The following PWWP2B variants were observed in gnomAD, a reference collection of about 807,000 sequenced individuals.
The protein encoded by PWWP2B is PWWP domain containing 2B, also known as PWWP domain-containing protein 2B.
In PWWP2B, 9 loss-of-function variants were observed where a neutral mutation model predicts 15.5. That is an observed-to-expected ratio of 0.58 (90% CI 0.35 to 1.02). The LOEUF is 1.02. Among genes scored for constraint, PWWP2B ranks in the 50% least tolerant of loss-of-function variants. PWWP2B has a pLI of 0.02. For synonymous variants in PWWP2B, 474 were observed against 403.6 expected (o/e 1.17, Z -2.09); for missense variants, 864 against 865.3 (o/e 1.00, Z 0.02).
chr10:132,402,738 G>C (rs1283912421), intron 1 of PWWP2B, among the ~76,000 whole-genome samples: 2 of 152,252 alleles, frequency 1.3e-5, no homozygotes, highest in Non-Finnish European at 2.9e-5. Context: ...CTGGTTTTGG[G>C]CAAAGGCTCA....
intron 2 of PWWP2B, among the ~76,000 whole-genome samples, chr10:132,408,060 G>A (rs2069724450): frequency 4.6e-5 from 7 of 152,242 alleles, no homozygotes; most frequent in Admixed American, 4.6e-4. Context: ...TTATCCGGAA[G>A]TGGAGGAAGA....
chr10:132,408,590 T>G (rs2133159794), intron 2 of PWWP2B, among the ~76,000 whole-genome samples: 1 of 152,310 alleles, frequency 6.6e-6, no homozygotes, highest in East Asian at 1.9e-4. Context: ...CCGGCCACCC[T>G]GGCCTGGCCC....
chr10:132,408,523 G>T (rs1010212185), intron 2 of PWWP2B, among the ~76,000 whole-genome samples: 3 of 152,212 alleles, frequency 2.0e-5, no homozygotes, highest in Non-Finnish European at 4.4e-5. Flanking sequence ...TGGTGTGGGG[G>T]CTGGAGCTCG....
chr10:132,404,996 C>A lies in PWWP2B; in HGVS notation c.496C>A (p.Leu166Ile). ...CAACCGCGACCCGGGGCGCCTCATC[C>A]TCAGCACCATCCGCCTGCGGCCGCG... ...SRNRDPGRLI[L>I]STIRLRPRQV... The change falls in exon 2 of 3, where the codon CTC (leucine) becomes ATC (isoleucine). Residue 166 changes from leucine to isoleucine, a missense_variant. By Grantham distance (5) the Leu-to-Ile change is conservative (BLOSUM62 2). This residue lies in a region of PWWP2B where 736 missense variants were observed against 687.7 expected (regional missense o/e 1.07). Transcript: ENST00000305233. 6.4e-7 allele frequency: 1 copy of A among 1,561,918 alleles called. No individual in the cohort carries two copies.
Position 132,405,274 on chromosome 10 carries a change from C to T in PWWP2B, c.774C>T (p.Ser258=), listed in dbSNP as rs755836791. Residue 258 remains serine (S), a synonymous_variant, in exon 2 of 3, where the codon AGC becomes AGT. Transcript: ENST00000305233. ...GCCCGGTCATCAAGATCTCCTACAG[C>T]ACGCCCCAGGGCAAGGGAGAGGTGG... The part of the protein sequence containing the change: ...PRSPVIKISY[S]TPQGKGEVVK... 1.2e-6 allele frequency: 2 copies of T among 1,611,724 alleles called. No homozygotes were observed. The highest frequency in any genetic ancestry group is 2.2e-5 in the East Asian group (1 of 44,848).
At position 132,417,411 on chromosome 10, in the gene PWWP2B, C is replaced by T. The variant is rs2069876057; in HGVS notation, c.*367C>T. On this transcript the variant is annotated 3_prime_UTR_variant, in exon 3 of 3. Coordinates refer to ENST00000305233, the MANE Select transcript of PWWP2B (RefSeq NM_138499.4). ...TCACCTGCTGCCCGCATGCTGGGGT[C>T]CCATGGAGGAACCAGGCCTGGCGCC... The T allele has an allele frequency of 5.0e-6, 2 of 397,140 alleles. No homozygotes were observed. The highest frequency in any genetic ancestry group is 2.1e-5 in the African/African-American group (1 of 47,860). The allele number at this position is 397,140 out of a possible 1,614,324, so 24.6% of individuals were successfully genotyped here.
In PWWP2B at chr10:132,397,321, TCG is replaced by T; in HGVS notation, c.98_99del (p.Ala33GlyfsTer26). 7.0e-7 allele frequency: 1 copy of T among 1,431,260 alleles called. No homozygotes were observed. Among genetic ancestry groups the T allele is most frequent in the Non-Finnish European group, 9.2e-7 (1 of 1,082,206 alleles). The allele number at this position is 1,431,260 out of a possible 1,614,324, so 88.7% of individuals were successfully genotyped here. ...ACGGTGAGCTGCGGCGAGCGGAGCTTCGCGGGGATCCTGCTGGACTGCACGAA... is the reference window on the plus strand; with the variant it reads ...ACGGTGAGCTGCGGCGAGCGGAGCTTCGGGGATCCTGCTGGACTGCACGAA... On this transcript the variant is annotated frameshift_variant, in exon 1 of 3. Coordinates refer to ENST00000305233, the MANE Select transcript of PWWP2B (RefSeq NM_138499.4). LOFTEE classifies it high-confidence loss of function.
chr10:132,416,323 A>C (rs1386480892), intron 2 of PWWP2B, among the ~76,000 whole-genome samples: 1 of 150,884 alleles, frequency 6.6e-6, no homozygotes, highest in African/African-American at 2.4e-5. Flanking sequence ...TGTGCTCTCC[A>C]CCCACCGGCT....
At chr10:132,406,419 G>A in intron 2 of PWWP2B, 130 bp downstream of exon 2, 1 of 759,012 alleles carries the variant, frequency 1.3e-6, no homozygotes, top group Non-Finnish European at 2.1e-6. Flanking sequence ...GCTTGCTTGG[G>A]GCCCCAGCCG....
intron 2 of PWWP2B, among the ~76,000 whole-genome samples, chr10:132,413,527 C>A (rs2069808758): frequency 6.6e-6 from 1 of 152,182 alleles, no homozygotes; most frequent in Non-Finnish European, 1.5e-5. Flanking sequence ...ACTTAAGCAT[C>A]TTCATTCACT....
chr10:132,411,885 C>T (rs1033381056), intron 2 of PWWP2B, among the ~76,000 whole-genome samples: 5 of 152,250 alleles, frequency 3.3e-5, no homozygotes, highest in African/African-American at 9.6e-5. Context: ...TAAATAAAAA[C>T]GCTCTTCTGC....
chr10:132,397,767 C>A (rs564150084), intron 1 of PWWP2B, among the ~76,000 whole-genome samples: 132 of 152,340 alleles, frequency 8.7e-4, no homozygotes, highest in African/African-American at 3.1e-3. Context: ...GGTGCCCTGT[C>A]GAAGGCCACG....
At position 132,397,365 on chromosome 10, in the gene PWWP2B, C is replaced by T; in HGVS notation, c.125+14C>T. ...CTGCACGAAAAAGTGAGCGGGGGCG[C>T]GGGCCGGGACACCCCCGGGGTCCCC... On this transcript the variant is annotated intron_variant, in intron 1 of 2. Transcript: ENST00000305233. 7.7e-6 allele frequency: 10 copies of T among 1,296,660 alleles called. No individual in the cohort carries two copies. Among genetic ancestry groups the T allele is most frequent in the Non-Finnish European group, 9.9e-6 (10 of 1,012,800 alleles). The allele number at this position is 1,296,660 out of a possible 1,614,324, so 80.3% of individuals were successfully genotyped here.
intron 2 of PWWP2B, among the ~76,000 whole-genome samples, chr10:132,407,240 G>T (rs906534008): frequency 2.6e-5 from 4 of 152,146 alleles, no homozygotes; most frequent in Non-Finnish European, 4.4e-5. Context: ...CCCAGCAGGA[G>T]AAGGCAGGCC....
At chr10:132,401,671 C>T (rs2069617861) in intron 1 of PWWP2B, among the ~76,000 whole-genome samples, 2 of 152,268 alleles carry the variant, frequency 1.3e-5, no homozygotes, top group South Asian at 4.1e-4. Flanking sequence ...CACTGAGGTT[C>T]TCCCTGTGCC....
Position 132,404,961 on chromosome 10 carries a change from G to A in PWWP2B, c.461G>A (p.Arg154His), listed in dbSNP as rs757376117. Residue 154 changes from arginine (R) to histidine (H), a missense_variant, in exon 2 of 3, where the codon CGT becomes CAT. Physicochemically the swap from Arg to His is conservative, Grantham distance 29. Coordinates refer to ENST00000305233, the MANE Select transcript of PWWP2B (RefSeq NM_138499.4). ...PPRTIKRTRR[R>H]LSRNRDPGRL... Reference sequence around the variant, plus strand: ...AGGACCATCAAGCGCACGCGGCGGCGTCTGTCCCGCAACCGCGACCCGGGG... The same window carrying A: ...AGGACCATCAAGCGCACGCGGCGGCATCTGTCCCGCAACCGCGACCCGGGG... 1.2e-5 allele frequency: 19 copies of A among 1,589,780 alleles called. No individual in the cohort carries two copies. Among genetic ancestry groups the A allele is most frequent in the Middle Eastern group, 3.5e-4 (2 of 5,654 alleles).
rs761363374 is a variant in PWWP2B, at chr10:132,404,980, C to T, written c.480C>T (p.Asp160=). ...GGCGGCGTCTGTCCCGCAACCGCGACCCGGGGCGCCTCATCCTCAGCACCA... is the reference window on the plus strand; with the variant it reads ...GGCGGCGTCTGTCCCGCAACCGCGATCCGGGGCGCCTCATCCTCAGCACCA... ...RTRRRLSRNR[D]PGRLILSTIR... is the part of the protein sequence containing the mutation. The change falls in exon 2 of 3, where the codon GAC becomes GAT. Residue 160 remains aspartate (D), a synonymous_variant. Coordinates refer to ENST00000305233, the MANE Select transcript of PWWP2B (RefSeq NM_138499.4). 13 of 1,574,354 alleles carry T rather than the reference C, an allele frequency of 8.3e-6. No individual in the cohort carries two copies. The highest frequency in any genetic ancestry group is 1.4e-5 in the African/African-American group (1 of 73,924).
Position 132,397,368 on chromosome 10 carries a change from G to A in PWWP2B, c.125+17G>A, listed in dbSNP as rs888870546. ...CACGAAAAAGTGAGCGGGGGCGCGG[G>A]CCGGGACACCCCCGGGGTCCCCACG... On this transcript the variant is annotated intron_variant, in intron 1 of 2. Transcript: ENST00000305233. 10 of 1,295,324 alleles carry A rather than the reference G, an allele frequency of 7.7e-6. No homozygotes were observed. Among genetic ancestry groups the A allele is most frequent in the Non-Finnish European group, 9.9e-6 (10 of 1,012,352 alleles). 80.2% of individuals were successfully genotyped at this position (1,295,324 alleles called of 1,614,324 possible). A position where few individuals can be genotyped will look rare whatever the true frequency, so the allele number is the denominator to read the frequency against.
chr10:132,417,357 A>G lies in PWWP2B; in HGVS notation c.*313A>G. 1 of 498,838 alleles carries G rather than the reference A, an allele frequency of 2.0e-6. No homozygotes were observed. The highest frequency in any genetic ancestry group is 3.6e-6 in the Non-Finnish European group (1 of 278,742). 30.9% of individuals were successfully genotyped at this position (498,838 alleles called of 1,614,324 possible). On this transcript the variant is annotated 3_prime_UTR_variant, in exon 3 of 3. Transcript: ENST00000305233. ...CTGCTGCCTCGCGCGCTGGGGTTCC[A>G]TGGAGGAACTGGGCCTGCCGCCCCG...
Sources: allele counts gnomAD v4.1 joint callset (sites outside exome capture counted in the v4.1 genomes callset), GRCh38; gene constraint gnomAD v4.1.1; regional missense constraint gnomAD v4.1.1; transcripts MANE v1.5; gene names NCBI Gene and HGNC (gene_info 2026-07-23, HGNC 2026-07-21).